XPO7: variants seen among roughly 807,000 people sequenced by gnomAD.
The protein encoded by XPO7 is exportin 7, also known as exportin-7.
XPO7 carries 21 observed loss-of-function variants against 144.3 expected under a neutral mutation model. That is an observed-to-expected ratio of 0.15 (90% CI 0.10 to 0.21). XPO7 has a LOEUF of 0.21. XPO7 is among the 10% of genes least tolerant of loss of function. XPO7 has a pLI of 1.00. For synonymous variants in XPO7, 580 were observed against 499.6 expected, an observed-to-expected ratio of 1.16 and a Z score of -2.15; for missense variants, 808 against 1,325.8, an observed-to-expected ratio of 0.61 and a Z score of 6.06.
chr8:21,935,370 G>A (rs1440694546), intron 1 of XPO7, among the ~76,000 whole-genome samples: 3 of 152,170 alleles, frequency 2.0e-5, no homozygotes, highest in Non-Finnish European at 4.4e-5. Flanking sequence ...TCAAGGTGCA[G>A]GCTTCTTTCA....
At chr8:21,951,284 T>G (rs535984960) in intron 1 of XPO7, among the ~76,000 whole-genome samples, 1 of 151,928 alleles carries the variant, frequency 6.6e-6, no homozygotes, top group Non-Finnish European at 1.5e-5. Context: ...TTTAAACCTA[T>G]GAGGCCTACC....
At chr8:21,977,386 C>G (rs1812259403) in intron 7 of XPO7, among the ~76,000 whole-genome samples, 1 of 152,178 alleles carries the variant, frequency 6.6e-6, no homozygotes, top group Admixed American at 6.5e-5. Context: ...CAAGACCAGC[C>G]TGGCGAACAT....
At position 21,990,339 on chromosome 8, in the gene XPO7, T is replaced by C. The variant is rs770591551; in HGVS notation, c.1869-5T>C. On this transcript the variant is annotated splice_polypyrimidine_tract_variant and splice_region_variant and intron_variant, in intron 16 of 27. Transcript: ENST00000252512. The stretch of plus-strand genomic sequence containing the variant: ...CTTTCCTTGACCTTCTTCCTTTGTC[T>C]TCACGTACAGTAGCGTAAGGAAGCT... 2.1e-5 allele frequency: 34 copies of C among 1,613,392 alleles called. No homozygotes were observed. The highest frequency in any genetic ancestry group is 2.6e-5 in the Non-Finnish European group (31 of 1,179,474).
chr8:21,972,630 C>A (rs1329896344), intron 5 of XPO7, among the ~76,000 whole-genome samples: 1 of 152,168 alleles, frequency 6.6e-6, no homozygotes, highest in Non-Finnish European at 1.5e-5. Flanking sequence ...AGAGGAAACA[C>A]CAGTGGCTTT....
intron 21 of XPO7, among the ~76,000 whole-genome samples, chr8:21,997,211 T>C (rs1178824509): frequency 6.6e-6 from 1 of 152,220 alleles, no homozygotes; most frequent in Non-Finnish European, 1.5e-5. Flanking sequence ...ATAAAATAGA[T>C]ACTTGAGAGC....
At chr8:21,986,359 G>A (rs990755767) in intron 13 of XPO7, among the ~76,000 whole-genome samples, 1 of 152,072 alleles carries the variant, frequency 6.6e-6, no homozygotes, top group Non-Finnish European at 1.5e-5. Flanking sequence ...CACCATGTTG[G>A]CCAGGCTGGT....
chr8:21,949,231 A>G lies in XPO7; in HGVS notation c.19-17626A>G, dbSNP rs181045769. Among the ~76,000 whole-genome samples, 6 of 152,310 alleles carry G rather than the reference A, an allele frequency of 3.9e-5. No homozygotes were observed. In the East Asian group the frequency reaches 7.7e-4, roughly 20 times the overall value. On this transcript the variant is annotated intron_variant, in intron 1 of 27. Coordinates refer to ENST00000252512, the MANE Select transcript of XPO7 (RefSeq NM_015024.5). The stretch of plus-strand genomic sequence containing the variant: ...GTTTATTCTCACCCTGTGAAGTTTA[A>G]TTTCTGCATTTATAATTAAGTGACT...
chr8:21,920,113 GGCCCCCCCGCCC>G (rs1400035732), intron 1 of XPO7, among the ~76,000 whole-genome samples: 2 of 151,768 alleles, frequency 1.3e-5, no homozygotes, highest in Non-Finnish European at 2.9e-5. Context: ...CAAGTCCTCG[GGCCCCCCCGCCC>G]GCCCCCCGGT....
In XPO7 at chr8:21,990,399, A is replaced by G; in HGVS notation, c.1924A>G (p.Asn642Asp). ...KLSAVQFMLN[N>D]HTSEHFSFLG... ...TAGTGCGGTACAGTTCATGCTGAAC[A>G]ATCACACGGTGAGTGATTTTAGCTT... is the stretch of plus-strand genomic sequence containing the variant. Residue 642 changes from asparagine (N) to aspartate (D), a missense_variant, in exon 17 of 28, where the codon AAT (asparagine) becomes GAT (aspartate). Around this residue, in one of 5 missense-constraint regions of XPO7, gnomAD observed 416 missense variants for 612.5 expected, o/e 0.68. Transcript: ENST00000252512. 1 of 1,613,724 alleles carries G rather than the reference A, an allele frequency of 6.2e-7. No homozygotes were observed. Among genetic ancestry groups the G allele is most frequent in the Non-Finnish European group, 8.5e-7 (1 of 1,179,668 alleles).
intron 1 of XPO7, among the ~76,000 whole-genome samples, chr8:21,943,686 T>A (rs546805359): frequency 2.0e-5 from 3 of 152,294 alleles, no homozygotes; most frequent in African/African-American, 7.2e-5. Flanking sequence ...AGAATTCTTG[T>A]TTTCTCACCC....
intron 1 of XPO7, among the ~76,000 whole-genome samples, chr8:21,935,862 C>T (rs914672128): frequency 1.3e-5 from 2 of 152,168 alleles, no homozygotes; most frequent in African/African-American, 4.8e-5. Flanking sequence ...CTCTCTCTCT[C>T]TGTCTCGTCT....
chr8:21,993,761 G>A (rs1051095146), intron 19 of XPO7, among the ~76,000 whole-genome samples: 7 of 152,160 alleles, frequency 4.6e-5, no homozygotes, highest in Non-Finnish European at 1.0e-4. Context: ...CCCAAAGAGA[G>A]AGGTGCTGTG....
At chr8:21,965,882 T>C (rs1811866691) in intron 1 of XPO7, among the ~76,000 whole-genome samples, 1 of 152,218 alleles carries the variant, frequency 6.6e-6, no homozygotes, top group South Asian at 2.1e-4. Flanking sequence ...TTTCTAATAG[T>C]AGGATCCCTC....
chr8:21,995,603 A>T lies in XPO7; in HGVS notation c.2345+4A>T, dbSNP rs752534101. On this transcript the variant is annotated splice_donor_region_variant and intron_variant, in intron 21 of 27. Coordinates refer to ENST00000252512, the MANE Select transcript of XPO7 (RefSeq NM_015024.5). ...TGGCTGAATTGGTTCATAATAGGTA[A>T]GCAGGAGGCAGAGCTTGCAAGGGCA... The T allele has an allele frequency of 6.3e-7, 1 of 1,585,298 alleles. No individual in the cohort carries two copies. The highest frequency in any genetic ancestry group is 8.6e-7 in the Non-Finnish European group (1 of 1,163,202).
At chr8:21,978,184 G>C (rs924769182) in intron 8 of XPO7, among the ~76,000 whole-genome samples, 1 of 152,136 alleles carries the variant, frequency 6.6e-6, no homozygotes, top group Non-Finnish European at 1.5e-5. Context: ...AGATTGTCCT[G>C]ACTCAGAAAA....
intron 1 of XPO7, among the ~76,000 whole-genome samples, chr8:21,946,640 ATTTTTT>A (rs61593432): frequency 1.6e-5 from 2 of 122,670 alleles, no homozygotes; most frequent in Non-Finnish European, 3.4e-5. Flanking sequence ...GCAAAACAGG[ATTTTTT>A]TTTTTTTTTT....
chr8:21,988,669 T>C (rs1812658332), intron 15 of XPO7: 1 of 252,590 alleles, frequency 4.0e-6, no homozygotes, highest in South Asian at 5.7e-5. Context: ...AGGTGCAGAA[T>C]TGCATACGTC....
chr8:21,952,569 T>C (rs1811406724), intron 1 of XPO7, among the ~76,000 whole-genome samples: 1 of 152,212 alleles, frequency 6.6e-6, no homozygotes. Context: ...TGAGCATTAC[T>C]TTGAAATGAC....
At chr8:21,940,877 AT>A (rs1430316474) in intron 1 of XPO7, among the ~76,000 whole-genome samples, 2 of 152,114 alleles carry the variant, frequency 1.3e-5, no homozygotes, top group African/African-American at 4.8e-5. Flanking sequence ...CTCTGGATGC[AT>A]CTGTAGTTTT....
Sources: gnomAD v4.1 joint callset for allele counts (sites outside exome capture counted in the v4.1 genomes callset) on GRCh38, gnomAD v4.1.1 for gene constraint, gnomAD v4.1.1 regional missense constraint, MANE v1.5 for transcripts, NCBI Gene and HGNC (gene_info 2026-07-23, HGNC 2026-07-21) for gene names.